Variants in LYST observed in about 807,000 individuals in gnomAD.
LYST encodes the protein lysosomal trafficking regulator, also known as lysosomal-trafficking regulator.
Under a neutral mutation model 413.6 loss-of-function variants are expected in LYST, and 192 were observed. The observed-to-expected ratio is 0.46, with a 90% CI of 0.41 to 0.52. The LOEUF (loss-of-function observed/expected upper bound fraction) is 0.52, where lower values mean the gene tolerates loss of function less well. Ranked by LOEUF, LYST falls within the 20% of genes least tolerant of loss-of-function variation. LYST has a pLI of 0.00. For missense variants in LYST, 3,815 were observed against 4,499.9 expected (o/e 0.85, Z 4.35); for synonymous variants, 1,525 against 1,567.3 (o/e 0.97, Z 0.64).
intron 43 of LYST, among the ~76,000 whole-genome samples, chr1:235,710,197 G>A (rs924367853): frequency 6.6e-6 from 1 of 152,130 alleles, no homozygotes. Flanking sequence ...AAATACTTGG[G>A]AAGTATTTTG....
Position 235,830,189 on chromosome 1 carries a change from T to C in LYST, c.192+37A>G, listed in dbSNP as rs773731062. The C allele has an allele frequency of 9.7e-6, 14 of 1,443,848 alleles. No individual in the cohort carries two copies. In the East Asian group the frequency reaches 2.5e-4, roughly 26 times the overall value. The allele number at this position is 1,443,848 out of a possible 1,614,324, so 89.4% of individuals were successfully genotyped here. A position where few individuals can be genotyped will look rare whatever the true frequency, so the allele number is the denominator to read the frequency against. Reference sequence around the variant, plus strand: ...CATGTAGCTACAGTTAACTATCATATATTGATGAAAGTAAGTATTTGATAT... The same window carrying C: ...CATGTAGCTACAGTTAACTATCATACATTGATGAAAGTAAGTATTTGATAT... On this transcript the variant is annotated intron_variant, in intron 3 of 52. Coordinates refer to ENST00000389793, the MANE Select transcript of LYST (RefSeq NM_000081.4).
intron 1 of LYST, among the ~76,000 whole-genome samples, chr1:235,880,716 T>A (rs1300195226): frequency 6.6e-6 from 1 of 152,240 alleles, no homozygotes; most frequent in African/African-American, 2.4e-5. Context: ...TGTTTTAAAA[T>A]CCCACCAGAA....
intron 12 of LYST, among the ~76,000 whole-genome samples, chr1:235,789,484 C>A (rs1670776348): frequency 6.6e-6 from 1 of 152,038 alleles, no homozygotes; most frequent in South Asian, 2.1e-4. Flanking sequence ...CCCAGCACTG[C>A]CTGAAGATGT....
intron 3 of LYST, chr1:235,827,306 T>G (rs1675438761): frequency 2.6e-6 from 1 of 378,064 alleles, no homozygotes; most frequent in African/African-American, 2.2e-5. Flanking sequence ...GAGGCTGAGG[T>G]TACAGTGAGC....
At position 235,724,020 on chromosome 1, in the gene LYST, G is replaced by C. The variant is rs1043765531; in HGVS notation, c.9315+8C>G. 9 of 1,611,226 alleles carry C rather than the reference G, an allele frequency of 5.6e-6. No individual in the cohort carries two copies. The Admixed American group carries it at 8.3e-5, about 15-fold the overall frequency. On this transcript the variant is annotated splice_region_variant and intron_variant, in intron 39 of 52. Coordinates refer to ENST00000389793, the MANE Select transcript of LYST (RefSeq NM_000081.4). The stretch of plus-strand genomic sequence containing the variant: ...ACAATATATATCAATTAATAAGGGT[G>C]AATTTACCTTGGTGTTATCAAATGC...
chr1:235,667,915 G>A (rs1337380595), intron 50 of LYST, among the ~76,000 whole-genome samples: 1 of 151,982 alleles, frequency 6.6e-6, no homozygotes, highest in African/African-American at 2.4e-5. Context: ...ACCCACCTCG[G>A]CCTCCCAAAG....
chr1:235,722,867 T>C (rs1003243149), intron 39 of LYST, among the ~76,000 whole-genome samples: 1 of 152,236 alleles, frequency 6.6e-6, no homozygotes, highest in South Asian at 2.1e-4. Flanking sequence ...ATAATCATCA[T>C]ATAACCAAGG....
chr1:235,685,063 C>G (rs557249616), intron 48 of LYST, among the ~76,000 whole-genome samples: 198 of 152,314 alleles, frequency 1.3e-3, no homozygotes, highest in Non-Finnish European at 2.2e-3. Context: ...TTGCCACCCC[C>G]CAAAATCCCC....
intron 50 of LYST, among the ~76,000 whole-genome samples, chr1:235,670,115 C>A (rs1221414570): frequency 6.6e-6 from 1 of 151,946 alleles, no homozygotes; most frequent in Non-Finnish European, 1.5e-5. Context: ...CCCAGACATG[C>A]CCAGACTTGT....
At chr1:235,867,895 A>AT (rs1306519559), upstream of LYST, among the ~76,000 whole-genome samples, 1 of 152,128 alleles carries the variant, frequency 6.6e-6, no homozygotes, top group Non-Finnish European at 1.5e-5. Flanking sequence ...AACTCCCATA[A>AT]TTTTTTGCAC....
intron 21 of LYST, among the ~76,000 whole-genome samples, chr1:235,765,487 T>C (rs1416779805): frequency 6.6e-6 from 1 of 152,240 alleles, no homozygotes; most frequent in African/African-American, 2.4e-5. Flanking sequence ...TTCTCTGGCC[T>C]TACATTCAAG....
chr1:235,789,848 G>GT (rs754974224), intron 12 of LYST, among the ~76,000 whole-genome samples: 4 of 152,102 alleles, frequency 2.6e-5, no homozygotes, highest in Non-Finnish European at 5.9e-5. Flanking sequence ...GACAAAACCA[G>GT]TGTGTACCTA....
chr1:235,798,320 A>C (rs1671782015), intron 10 of LYST, among the ~76,000 whole-genome samples: 1 of 152,078 alleles, frequency 6.6e-6, no homozygotes, highest in South Asian at 2.1e-4. Context: ...TAACATATCA[A>C]TATAAGTTCA....
chr1:235,759,724 T>C (rs1230205946), intron 22 of LYST, 125 bp from the exon 23 acceptor site: 3 of 717,370 alleles, frequency 4.2e-6, no homozygotes, highest in Non-Finnish European at 7.2e-6. Flanking sequence ...TCCATATAGG[T>C]TAATTTTACA....
chr1:235,878,974 C>T (rs1013420509), intron 1 of LYST, among the ~76,000 whole-genome samples: 1 of 152,058 alleles, frequency 6.6e-6, no homozygotes, highest in Non-Finnish European at 1.5e-5. Flanking sequence ...TGTTAGAGTA[C>T]CCATCACCTG....
At chr1:235,800,490 T>C (rs920247146) in intron 9 of LYST, 104 bp from the exon 10 acceptor site, 15 of 681,876 alleles carry the variant, frequency 2.2e-5, no homozygotes, top group Non-Finnish European at 3.1e-5. Context: ...ACTATATATG[T>C]ATATATGTAT....
chr1:235,762,640 T>C (rs559864404), intron 22 of LYST, 80 bp downstream of exon 22: 1 of 1,429,906 alleles, frequency 7.0e-7, no homozygotes, highest in Non-Finnish European at 9.8e-7. Flanking sequence ...CATATACTTC[T>C]AAAATATGTA....
chr1:235,728,802 G>A (rs1364401995), intron 37 of LYST, among the ~76,000 whole-genome samples: 1 of 152,160 alleles, frequency 6.6e-6, no homozygotes, highest in African/African-American at 2.4e-5. Flanking sequence ...GTGACGGTGG[G>A]GCTCAGTCCC....
intron 50 of LYST, among the ~76,000 whole-genome samples, chr1:235,673,828 A>G (rs1228501076): frequency 6.6e-6 from 1 of 152,236 alleles, no homozygotes; most frequent in Non-Finnish European, 1.5e-5. Context: ...AAAGTCAAGG[A>G]TTTAAAACAA....
Sources: allele counts gnomAD v4.1 joint callset (sites outside exome capture counted in the v4.1 genomes callset), GRCh38; gene constraint gnomAD v4.1.1; transcripts MANE v1.5; gene names NCBI Gene and HGNC (gene_info 2026-07-23, HGNC 2026-07-21).